CAPS2: variants seen among roughly 807,000 people sequenced by gnomAD.
CAPS2 encodes the protein calcyphosine 2.
In CAPS2, 98 loss-of-function variants were observed where a neutral mutation model predicts 86.5. The ratio of observed to expected loss-of-function variants is 1.13; its 90% confidence interval spans 0.96 to 1.34. CAPS2 has a LOEUF of 1.34. CAPS2 is among the 40% of genes most tolerant of loss of function. The pLI is 0.00. For synonymous variants in CAPS2, 210 were observed against 225.1 expected, an observed-to-expected ratio of 0.93 and a Z score of 0.60; for missense variants, 729 against 686.8, an observed-to-expected ratio of 1.06 and a Z score of -0.69.
chr12:75,367,095 G>T, intron 1 of CAPS2: 1 of 693,080 alleles, frequency 1.4e-6, no homozygotes, highest in South Asian at 1.5e-5. Context: ...GATTAATTTG[G>T]GGAGAAAACG....
intron 1 of CAPS2, chr12:75,369,811 AG>A: frequency 7.8e-7 from 1 of 1,289,780 alleles, no homozygotes; most frequent in Non-Finnish European, 9.8e-7. Flanking sequence ...TAAGTACTGT[AG>A]GATTGAGTAG....
chr12:75,323,007 T>G, exon 4 of CAPS2: 1 of 1,548,416 alleles, frequency 6.5e-7, no homozygotes, highest in Non-Finnish European at 8.7e-7. Flanking sequence ...TATATGGAGT[T>G]TGACATGGTG....
intron 1 of CAPS2, among the ~76,000 whole-genome samples, chr12:75,356,617 G>A (rs142531934): frequency 6.6e-6 from 1 of 151,886 alleles, no homozygotes; most frequent in East Asian, 1.9e-4. Context: ...CCAAAGAAAG[G>A]CAAAAAGAAA....
intron 11 of CAPS2, among the ~76,000 whole-genome samples, chr12:75,293,926 C>G (rs2036442886): frequency 6.6e-6 from 1 of 152,082 alleles, no homozygotes; most frequent in Non-Finnish European, 1.5e-5. Flanking sequence ...AGGACAAATA[C>G]CAAATATAAT....
intron 1 of CAPS2, among the ~76,000 whole-genome samples, chr12:75,358,782 A>C (rs552669827): frequency 3.8e-4 from 55 of 143,870 alleles, no homozygotes; most frequent in African/African-American, 1.3e-3. Context: ...AATATATATA[A>C]TATATAACAA....
At chr12:75,382,173 TA>T in intron 1 of CAPS2, among the ~76,000 whole-genome samples, 1 of 152,272 alleles carries the variant, frequency 6.6e-6, no homozygotes, top group East Asian at 1.9e-4. Flanking sequence ...GTCAATAAAA[TA>T]AAAACAATGT....
At chr12:75,324,045 A>C (rs1018434010) in intron 2 of CAPS2, among the ~76,000 whole-genome samples, 3 of 152,236 alleles carry the variant, frequency 2.0e-5, no homozygotes, top group African/African-American at 7.2e-5. Context: ...TTAATAATGC[A>C]GATTCAACCT....
chr12:75,283,361 G>C (rs543195612), intron 15 of CAPS2, among the ~76,000 whole-genome samples: 9 of 152,278 alleles, frequency 5.9e-5, no homozygotes, highest in Admixed American at 5.9e-4. Context: ...AGCTGTTGTA[G>C]ATTGACTTGT....
Position 75,316,628 on chromosome 12 carries a change from C to T in CAPS2, c.469-194G>A, listed in dbSNP as rs189057843. Among the ~76,000 whole-genome samples the T allele has an allele frequency of 2.0e-5, 3 of 152,212 alleles. No homozygotes were observed. In the East Asian group the frequency reaches 5.8e-4, roughly 29 times the overall value. On this transcript the variant is annotated intron_variant, in intron 5 of 16. Transcript: ENST00000393284. The stretch of plus-strand genomic sequence containing the variant: ...TTGCCCGCTAGGTGACCTCTCTGTG[C>T]CTCAGGTGACTTATAGATAAAATGC...
At chr12:75,311,383 G>C (rs1001076131) in intron 7 of CAPS2, among the ~76,000 whole-genome samples, 2 of 152,110 alleles carry the variant, frequency 1.3e-5, no homozygotes, top group Non-Finnish European at 2.9e-5. Flanking sequence ...CAGGATTTTA[G>C]GTCTTAGTAA....
upstream of CAPS2, among the ~76,000 whole-genome samples, chr12:75,332,059 TA>T (rs1311236508): frequency 6.6e-6 from 1 of 152,154 alleles, no homozygotes; most frequent in African/African-American, 2.4e-5. Flanking sequence ...GAACATGATC[TA>T]AAAAACATAA....
At chr12:75,358,901 TA>T (rs1429469053) in intron 1 of CAPS2, among the ~76,000 whole-genome samples, 2 of 134,042 alleles carry the variant, frequency 1.5e-5, no homozygotes, top group Non-Finnish European at 3.3e-5. Context: ...TACATATAAT[TA>T]TATATTATAT....
chr12:75,325,246 G>A (rs2040657985), exon 2 of CAPS2: 5 of 1,548,716 alleles, frequency 3.2e-6, no homozygotes, highest in Non-Finnish European at 4.4e-6. Context: ...TACACTGGTG[G>A]GCAAGAATTC....
At chr12:75,292,882 C>CT (rs1405656045) in intron 12 of CAPS2, among the ~76,000 whole-genome samples, 1 of 150,154 alleles carries the variant, frequency 6.7e-6, no homozygotes, top group Non-Finnish European at 1.5e-5. Flanking sequence ...TTTTTAGATA[C>CT]TAAAAAAAAA....
chr12:75,281,745 T>A (rs1315906713), intron 16 of CAPS2, among the ~76,000 whole-genome samples: 1 of 152,016 alleles, frequency 6.6e-6, no homozygotes, highest in African/African-American at 2.4e-5. Context: ...AACAATTATG[T>A]AAAAAAGTTA....
intron 1 of CAPS2, among the ~76,000 whole-genome samples, chr12:75,389,707 A>G (rs1295141636): frequency 2.0e-5 from 3 of 152,270 alleles, no homozygotes; most frequent in African/African-American, 4.8e-5. Flanking sequence ...TTAGAATGCT[A>G]TCTTAGACTT....
In CAPS2 at chr12:75,278,729, T is replaced by C. The variant is rs547803833; in HGVS notation, c.*161A>G. ...CTTTCTGGATAGTTCTCTTTCCAAA[T>C]TCAACATTTTTGAGAAAACAAAACA... On this transcript the variant is annotated 3_prime_UTR_variant, in exon 17 of 17. Transcript: ENST00000393284. 5.8e-5 allele frequency: 77 copies of C among 1,328,294 alleles called. No individual in the cohort carries two copies. The Middle Eastern group carries it at 8.4e-4, about 15-fold the overall frequency. The allele number at this position is 1,328,294 out of a possible 1,614,324, so 82.3% of individuals were successfully genotyped here. A position where few individuals can be genotyped will look rare whatever the true frequency, so the allele number is the denominator to read the frequency against.
At chr12:75,352,975 C>A (rs2042910803) in intron 1 of CAPS2, among the ~76,000 whole-genome samples, 1 of 152,128 alleles carries the variant, frequency 6.6e-6, no homozygotes, top group African/African-American at 2.4e-5. Context: ...ACACTAGAAT[C>A]TCTGGGACGC....
intron 1 of CAPS2, among the ~76,000 whole-genome samples, chr12:75,340,624 C>A (rs1330642137): frequency 6.6e-6 from 1 of 151,094 alleles, no homozygotes; most frequent in Non-Finnish European, 1.5e-5. Context: ...TCTAAAGTAC[C>A]CTGTTAGGAA....
Sources: allele counts gnomAD v4.1 joint callset (sites outside exome capture counted in the v4.1 genomes callset), GRCh38; gene constraint gnomAD v4.1.1; transcripts MANE v1.5; gene names NCBI Gene and HGNC (gene_info 2026-07-23, HGNC 2026-07-21).